The following SORCS2 variants were observed in gnomAD, a reference collection of about 807,000 sequenced individuals.
SORCS2 encodes the protein VPS10 domain-containing receptor SorCS2.
SORCS2 carries 100 observed loss-of-function variants against 141.6 expected under a neutral mutation model. The observed-to-expected ratio is 0.71, with a 90% CI of 0.60 to 0.83. SORCS2 has a LOEUF of 0.83. SORCS2 is among the 40% of genes least tolerant of loss of function. The pLI is 0.00. For missense variants in SORCS2, 1,646 were observed against 1,560.2 expected, an observed-to-expected ratio of 1.05 and a Z score of -0.93; for synonymous variants, 789 against 676.9, an observed-to-expected ratio of 1.17 and a Z score of -2.57.
chr4:7,263,638 C>T (rs954590742), intron 1 of SORCS2, among the ~76,000 whole-genome samples: 26 of 152,248 alleles, frequency 1.7e-4, no homozygotes, highest in African/African-American at 6.3e-4. Flanking sequence ...CCCGTGGTCT[C>T]TGCTGCCTGT....
At chr4:7,277,592 C>A (rs1389815314) in intron 1 of SORCS2, among the ~76,000 whole-genome samples, 2 of 152,070 alleles carry the variant, frequency 1.3e-5, no homozygotes, top group African/African-American at 2.4e-5. Context: ...ACTTGAAAGT[C>A]AGGGGGAGAG....
Position 7,193,270 on chromosome 4 carries a change from G to A in SORCS2, c.480+144G>A. 1.8e-6 allele frequency: 2 copies of A among 1,118,324 alleles called. No individual in the cohort carries two copies. The highest frequency in any genetic ancestry group is 2.3e-6 in the Non-Finnish European group (2 of 864,388). 69.3% of individuals were successfully genotyped at this position (1,118,324 alleles called of 1,614,324 possible). A position where few individuals can be genotyped will look rare whatever the true frequency, so the allele number is the denominator to read the frequency against. On this transcript the variant is annotated intron_variant, in intron 1 of 26. Coordinates refer to ENST00000507866, the MANE Select transcript of SORCS2 (RefSeq NM_020777.3). This position sits in a 1 kb window ranked among gnomAD's most constrained non-coding sequence, Gnocchi z 4.8. ...GCGACTTGGGCACTTGGGTCACCTC[G>A]GCCGCGCCCCTACTGGCCTCTGGTC...
In SORCS2 at chr4:7,541,770, A is replaced by G. The variant is rs552082584; in HGVS notation, c.648+10141A>G. 2.0e-5 allele frequency among the ~76,000 whole-genome samples: 3 copies of G among 152,364 alleles called. No homozygotes were observed. In the East Asian group the frequency reaches 5.8e-4, roughly 29 times the overall value. The stretch of plus-strand genomic sequence containing the variant: ...GGTCAGCGCCTCCACACGGAGCCCT[A>G]GTTTCAGCCTTAAACATGCAGCACA... On this transcript the variant is annotated intron_variant, in intron 3 of 26. Coordinates refer to ENST00000507866, the MANE Select transcript of SORCS2 (RefSeq NM_020777.3).
intron 12 of SORCS2, among the ~76,000 whole-genome samples, chr4:7,699,570 T>C (rs181142781): frequency 6.6e-6 from 1 of 151,980 alleles, no homozygotes; most frequent in South Asian, 2.1e-4. Context: ...ACCCTGCTGT[T>C]CAGCAGCCCC....
chr4:7,451,966 G>C (rs564030677), intron 2 of SORCS2, among the ~76,000 whole-genome samples: 1 of 152,114 alleles, frequency 6.6e-6, no homozygotes, highest in South Asian at 2.1e-4. Context: ...TTTGGCCAAG[G>C]CAGGAAGTGC....
At position 7,560,537 on chromosome 4, in the gene SORCS2, G is replaced by A. The variant is rs189555122; in HGVS notation, c.648+28908G>A. 4.8e-4 allele frequency among the ~76,000 whole-genome samples: 73 copies of A among 152,254 alleles called. No homozygotes were observed. In the East Asian group the frequency reaches 9.1e-3, roughly 19 times the overall value. On this transcript the variant is annotated intron_variant, in intron 3 of 26. Transcript: ENST00000507866. The stretch of plus-strand genomic sequence containing the variant: ...GTGGAAGAGCATAGGAGAAGTGCTC[G>A]TAGGGTGTCTGAGACTGTGCCAGCC...
intron 12 of SORCS2, among the ~76,000 whole-genome samples, chr4:7,698,732 G>A (rs1724861393): frequency 6.6e-6 from 1 of 152,248 alleles, no homozygotes; most frequent in Admixed American, 6.5e-5. Flanking sequence ...GCAGTGCTTG[G>A]TGCTTCCCGA....
intron 2 of SORCS2, among the ~76,000 whole-genome samples, chr4:7,479,729 G>A (rs1730513756): frequency 6.6e-6 from 1 of 152,250 alleles, no homozygotes; most frequent in Admixed American, 6.5e-5. Flanking sequence ...AGGACGCTGA[G>A]CCCCAACTCT....
Position 7,734,322 on chromosome 4 carries a change from T to C in SORCS2, c.3259T>C (p.Phe1087Leu). The change falls in exon 25 of 27, where the codon TTT becomes CTT. Residue 1087 changes from phenylalanine (F) to leucine (L), a missense_variant. Coordinates refer to ENST00000507866, the MANE Select transcript of SORCS2 (RefSeq NM_020777.3). The part of the protein sequence containing the change: ...GGGYWAVVVL[F>L]VIGLFAAGAF... The stretch of plus-strand genomic sequence containing the variant: ...CGGCTACTGGGCGGTAGTGGTGCTG[T>C]TTGTCATCGGGCTCTTCGCAGCGGG... 5.0e-6 allele frequency: 8 copies of C among 1,601,348 alleles called. No individual in the cohort carries two copies. Among genetic ancestry groups the C allele is most frequent in the Non-Finnish European group, 6.8e-6 (8 of 1,174,744 alleles).
At chr4:7,467,366 A>T (rs889833793) in intron 2 of SORCS2, among the ~76,000 whole-genome samples, 3 of 152,078 alleles carry the variant, frequency 2.0e-5, no homozygotes, top group Admixed American at 1.3e-4. Context: ...GGGCCCTGGG[A>T]TGAGGAGCTC....
At position 7,697,217 on chromosome 4, in the gene SORCS2, G is replaced by A. The variant is rs979367151; in HGVS notation, c.1611G>A (p.Leu537=). ...GACCAGGTAACCTGGGCTCACAGCT[G>A]GTGGAATATAAAGAAGAAATGTACA... ...IMGAGNLGSQ[L]VEYKEEMYIT... Residue 537 remains leucine, a synonymous_variant, in exon 12 of 27, where the codon CTG becomes CTA. Transcript: ENST00000507866. The A allele has an allele frequency of 5.0e-6, 8 of 1,586,972 alleles. No homozygotes were observed. The African/African-American group carries it at 5.4e-5, about 11-fold the overall frequency.
chr4:7,633,199 G>GTC (rs1275743985), intron 3 of SORCS2, among the ~76,000 whole-genome samples: 3 of 152,150 alleles, frequency 2.0e-5, no homozygotes, highest in Non-Finnish European at 4.4e-5. Flanking sequence ...CACCCAGAGG[G>GTC]AACAGTACAC....
At chr4:7,393,267 T>C (rs376892431) in intron 1 of SORCS2, among the ~76,000 whole-genome samples, 5 of 152,216 alleles carry the variant, frequency 3.3e-5, no homozygotes, top group African/African-American at 1.2e-4. Context: ...CCCTTGGCAA[T>C]GGCCGGAGCT....
At position 7,502,870 on chromosome 4, in the gene SORCS2, AGAG is replaced by A; in HGVS notation, c.549-28656_549-28654del. Reference sequence around the variant, plus strand: ...TTTCTTCCGCTGTGGCGACTGAGGGAGAGGAGAATATTATAAAACTGTTAGGGT... The same window carrying A: ...TTTCTTCCGCTGTGGCGACTGAGGGAGAGAATATTATAAAACTGTTAGGGT... On this transcript the variant is annotated intron_variant, in intron 2 of 26. Coordinates refer to ENST00000507866, the MANE Select transcript of SORCS2 (RefSeq NM_020777.3). Among the ~76,000 whole-genome samples, 2 of 152,348 alleles carry A rather than the reference AGAG, an allele frequency of 1.3e-5. 1 individual carries two copies. Among genetic ancestry groups the A allele is most frequent in the South Asian group, 4.1e-4 (2 of 4,826 alleles).
At chr4:7,433,983 GTT>G (rs1560281425) in intron 2 of SORCS2, 42 of 1,613,652 alleles carry the variant, frequency 2.6e-5, no homozygotes, top group Non-Finnish European at 3.5e-5. Context: ...TCTGCACCAC[GTT>G]CATGCACACC....
In SORCS2 at chr4:7,591,805, G is replaced by A. The variant is rs189990435; in HGVS notation, c.649-46523G>A. ...GACCCCGGCGGGCCTGTCGTCAGGG[G>A]TGCCCGCCGCACGGATGGATGGGTT... On this transcript the variant is annotated intron_variant, in intron 3 of 26. Coordinates refer to ENST00000507866, the MANE Select transcript of SORCS2 (RefSeq NM_020777.3). Among the ~76,000 whole-genome samples, 5 of 152,314 alleles carry A rather than the reference G, an allele frequency of 3.3e-5. No homozygotes were observed. The East Asian group carries it at 5.8e-4, about 18-fold the overall frequency.
intron 1 of SORCS2, among the ~76,000 whole-genome samples, chr4:7,362,630 C>A (rs1721643778): frequency 1.3e-5 from 2 of 152,184 alleles, no homozygotes; most frequent in South Asian, 4.1e-4. Flanking sequence ...GGGAACCTGA[C>A]CAGGGAGGCT....
intron 2 of SORCS2, among the ~76,000 whole-genome samples, chr4:7,519,022 G>A (rs992562994): frequency 2.0e-5 from 3 of 152,180 alleles, no homozygotes; most frequent in Non-Finnish European, 4.4e-5. Context: ...GCAGGCTCTG[G>A]CATCCCAGCT....
chr4:7,387,394 C>G (rs199762398), intron 1 of SORCS2, among the ~76,000 whole-genome samples: 351 of 42,606 alleles, frequency 8.2e-3, no homozygotes, highest in East Asian at 0.077. Flanking sequence ...CACACATGCA[C>G]ACACAGATAC....
Sources: allele counts gnomAD v4.1 joint callset (sites outside exome capture counted in the v4.1 genomes callset), GRCh38; gene constraint gnomAD v4.1.1; non-coding constraint Gnocchi (gnomAD v3.1); transcripts MANE v1.5; gene names NCBI Gene and HGNC (gene_info 2026-07-23, HGNC 2026-07-21).